Variants in NCOA2 observed in about 807,000 individuals in gnomAD.
The protein encoded by NCOA2 is nuclear receptor coactivator 2.
In NCOA2, 21 loss-of-function variants were observed where a neutral mutation model predicts 145.1. The ratio of observed to expected loss-of-function variants is 0.14; its 90% CI spans 0.10 to 0.21. NCOA2 has a LOEUF of 0.21. Among genes scored for constraint, NCOA2 ranks in the 10% least tolerant of loss-of-function variants. The probability of loss-of-function intolerance (pLI) is 1.00; values close to 1 mark genes in which losing one functional copy is unlikely to be tolerated. For synonymous variants in NCOA2, 619 were observed against 637.5 expected (o/e 0.97, Z 0.44); for missense variants, 1,472 against 1,837.6 (o/e 0.80, Z 3.64).
In NCOA2 at chr8:70,156,526, A is replaced by T; in HGVS notation, c.1839T>A (p.Asn613Lys). 1 of 1,613,752 alleles carries T rather than the reference A, an allele frequency of 6.2e-7. No individual in the cohort carries two copies. Among genetic ancestry groups the T allele is most frequent in the Non-Finnish European group, 8.5e-7 (1 of 1,179,846 alleles). The change falls in exon 11 of 23, where the codon AAT (asparagine) becomes AAA (lysine). Residue 613 changes from asparagine to lysine, a missense_variant. Asn to Lys is a moderately conservative substitution (Grantham distance 94). Around this residue, in one of 4 missense-constraint regions of NCOA2, gnomAD observed 953 missense variants for 1,062.1 expected, o/e 0.90. Transcript: ENST00000452400. ...SCHPGEQKET[N>K]DPNLPPAVSS... ...TCACGGCCGGGGGCAGGTTGGGGTC[A>T]TTTGTTTCCTTTTGCTCTCCAGGAT... is the stretch of plus-strand genomic sequence containing the variant.
At chr8:70,392,756 T>C (rs2131639627) in intron 1 of NCOA2, among the ~76,000 whole-genome samples, 1 of 152,374 alleles carries the variant, frequency 6.6e-6, no homozygotes, top group East Asian at 1.9e-4. Context: ...ACTGATACTA[T>C]TAATCCCTCT....
chr8:70,248,577 G>A (rs1366724215), intron 2 of NCOA2, among the ~76,000 whole-genome samples: 2 of 152,018 alleles, frequency 1.3e-5, no homozygotes, highest in African/African-American at 4.8e-5. Context: ...AGCTCCCCCT[G>A]GATACCAAAA....
intron 1 of NCOA2, among the ~76,000 whole-genome samples, chr8:70,320,806 G>A (rs1805987269): frequency 6.6e-6 from 1 of 152,100 alleles, no homozygotes; most frequent in Non-Finnish European, 1.5e-5. Flanking sequence ...TATCTTTTAG[G>A]TAACTGGTCT....
intron 1 of NCOA2, among the ~76,000 whole-genome samples, chr8:70,391,026 G>C (rs1025115557): frequency 6.6e-6 from 1 of 152,068 alleles, no homozygotes; most frequent in Non-Finnish European, 1.5e-5. Flanking sequence ...TCCTAAAGTA[G>C]GAAAGAGAAA....
At chr8:70,237,118 C>T (rs1203093109) in intron 2 of NCOA2, among the ~76,000 whole-genome samples, 1 of 152,216 alleles carries the variant, frequency 6.6e-6, no homozygotes. Context: ...GAAGCTACTT[C>T]ACCAAAATAG....
chr8:70,232,508 T>A (rs1351158574), intron 2 of NCOA2, among the ~76,000 whole-genome samples: 1 of 152,154 alleles, frequency 6.6e-6, no homozygotes, highest in East Asian at 1.9e-4. Flanking sequence ...TTCAATTTGA[T>A]TTTCCTCAAC....
chr8:70,347,844 C>T (rs1232222191), intron 1 of NCOA2, among the ~76,000 whole-genome samples: 1 of 152,184 alleles, frequency 6.6e-6, no homozygotes, highest in African/African-American at 2.4e-5. Flanking sequence ...GACTTGTACA[C>T]ATGCAGCTAC....
chr8:70,230,335 G>A (rs1441124909), intron 2 of NCOA2, among the ~76,000 whole-genome samples: 1 of 152,176 alleles, frequency 6.6e-6, no homozygotes, highest in Non-Finnish European at 1.5e-5. Flanking sequence ...GGGAAATGGG[G>A]AGTAACTGTT....
chr8:70,162,832 G>C lies in NCOA2; in HGVS notation c.855C>G (p.Thr285=), dbSNP rs1813179474. ...GTTTCATGGCTGCTCTCATGGTGCT[G>C]GTATCCAGAGACGTGATCTTGCCTA... is the stretch of plus-strand genomic sequence containing the variant. ...DLQGKITSLD[T]STMRAAMKPG... The change falls in exon 9 of 23, where the codon ACC becomes ACG. Residue 285 remains threonine (T), a synonymous_variant. Transcript: ENST00000452400. 4 of 1,613,106 alleles carry C rather than the reference G, an allele frequency of 2.5e-6. No individual in the cohort carries two copies. Among genetic ancestry groups the C allele is most frequent in the Admixed American group, 1.7e-5 (1 of 59,944 alleles).
chr8:70,167,310 G>A (rs1366830076), intron 6 of NCOA2, among the ~76,000 whole-genome samples: 1 of 152,140 alleles, frequency 6.6e-6, no homozygotes, highest in Non-Finnish European at 1.5e-5. Context: ...CAGCTCCATT[G>A]CATCCATCTA....
chr8:70,289,946 G>A (rs563584940), intron 2 of NCOA2, among the ~76,000 whole-genome samples: 7 of 152,110 alleles, frequency 4.6e-5, no homozygotes, highest in African/African-American at 1.4e-4. Context: ...CAATCCTCCT[G>A]CCTCAAGGCT....
chr8:70,186,272 A>G (rs1307074515), intron 4 of NCOA2, among the ~76,000 whole-genome samples: 1 of 152,218 alleles, frequency 6.6e-6, no homozygotes, highest in Non-Finnish European at 1.5e-5. Flanking sequence ...TACATAAAGA[A>G]TAATATTTAT....
In NCOA2 at chr8:70,138,129, G is replaced by A. The variant is rs4074115; in HGVS notation, c.3158+74C>T. The A allele has an allele frequency of 4.8e-3, 7,131 of 1,493,390 alleles. 296 individuals are homozygous for A. The African/African-American group carries it at 0.087, about 18-fold the overall frequency. The allele number at this position is 1,493,390 out of a possible 1,614,324, so 92.5% of individuals were successfully genotyped here. A position where few individuals can be genotyped will look rare whatever the true frequency, so the allele number is the denominator to read the frequency against. On this transcript the variant is annotated intron_variant, in intron 15 of 22. Transcript: ENST00000452400. Reference sequence around the variant, plus strand: ...AATAAATGAAAACTGGTCAGGCACCGACTACTCCAAAGGAAAAGATTAATT... The same window carrying A: ...AATAAATGAAAACTGGTCAGGCACCAACTACTCCAAAGGAAAAGATTAATT...
At chr8:70,238,605 G>C (rs1284317375) in intron 2 of NCOA2, among the ~76,000 whole-genome samples, 1 of 152,156 alleles carries the variant, frequency 6.6e-6, no homozygotes, top group Non-Finnish European at 1.5e-5. Flanking sequence ...ACAAGGAAAT[G>C]ATCTAGGTAA....
chr8:70,164,790 A>G (rs1258186274), intron 7 of NCOA2, among the ~76,000 whole-genome samples: 2 of 151,882 alleles, frequency 1.3e-5, no homozygotes, highest in East Asian at 1.9e-4. Context: ...CCTCAAGAAA[A>G]TAACAACTAA....
rs771460988 is a variant in NCOA2 at position 70,161,132 on chromosome 8, G to A, written c.977-1480C>T. Among the ~76,000 whole-genome samples the A allele has an allele frequency of 3.3e-5, 5 of 152,200 alleles. 1 individual carries two copies. The highest frequency in any genetic ancestry group is 6.5e-5 in the Admixed American group (1 of 15,276). Reference sequence around the variant, plus strand: ...CAGTAGATTTCTGTTCAATGTAACTGATCATTCCTGATCTTACCTATTTCA... The same window carrying A: ...CAGTAGATTTCTGTTCAATGTAACTAATCATTCCTGATCTTACCTATTTCA... On this transcript the variant is annotated intron_variant, in intron 9 of 22. Transcript: ENST00000452400.
intron 1 of NCOA2, among the ~76,000 whole-genome samples, chr8:70,340,873 G>A (rs1157179708): frequency 6.6e-6 from 1 of 152,068 alleles, no homozygotes; most frequent in African/African-American, 2.4e-5. Context: ...AGTGGGAGTT[G>A]AATGATAAGA....
chr8:70,160,343 G>T (rs1225766785), intron 9 of NCOA2, among the ~76,000 whole-genome samples: 2 of 152,078 alleles, frequency 1.3e-5, no homozygotes, highest in Non-Finnish European at 2.9e-5. Context: ...TTAGATAAGG[G>T]ATCAGGTGTT....
At chr8:70,400,322 A>C (rs1814113865) in intron 1 of NCOA2, among the ~76,000 whole-genome samples, 1 of 152,200 alleles carries the variant, frequency 6.6e-6, no homozygotes, top group Non-Finnish European at 1.5e-5. Flanking sequence ...CCAGTCTGAG[A>C]GCACACAATG....
Sources: allele counts gnomAD v4.1 joint callset (sites outside exome capture counted in the v4.1 genomes callset), GRCh38; gene constraint gnomAD v4.1.1; regional missense constraint gnomAD v4.1.1; transcripts MANE v1.5; gene names NCBI Gene and HGNC (gene_info 2026-07-23, HGNC 2026-07-21).